SPOCK1: variants seen among roughly 807,000 people sequenced by gnomAD.
SPOCK1 encodes the protein testican-1.
A neutral mutation model predicts 55.3 loss-of-function variants in SPOCK1; 23 were observed. That is an observed-to-expected ratio of 0.42 (90% CI 0.30 to 0.59). The LOEUF (loss-of-function observed/expected upper bound fraction) is 0.59, where lower values mean the gene tolerates loss of function less well. SPOCK1 is among the 20% of genes least tolerant of loss of function. SPOCK1 has a pLI of 0.22. For missense variants in SPOCK1, 499 were observed against 552.5 expected, an observed-to-expected ratio of 0.90 and a Z score of 0.97; for synonymous variants, 226 against 221.0, an observed-to-expected ratio of 1.02 and a Z score of -0.20.
intron 2 of SPOCK1, among the ~76,000 whole-genome samples, chr5:137,287,429 C>G (rs1321694873): frequency 6.6e-6 from 1 of 152,188 alleles, no homozygotes; most frequent in East Asian, 1.9e-4. Context: ...GGCAAAGGGT[C>G]CTTAAGCACC....
chr5:137,175,455 G>C (rs1754836782), intron 3 of SPOCK1, among the ~76,000 whole-genome samples: 1 of 152,186 alleles, frequency 6.6e-6, no homozygotes, highest in Non-Finnish European at 1.5e-5. Flanking sequence ...CCAGGGAATG[G>C]TACAGTAGGA....
chr5:137,215,292 C>T (rs1281699276), intron 3 of SPOCK1, among the ~76,000 whole-genome samples: 1 of 152,212 alleles, frequency 6.6e-6, no homozygotes, highest in African/African-American at 2.4e-5. Context: ...TTCCAGGCAG[C>T]CTCACCCACT....
At chr5:137,025,080 G>C (rs1751647305) in intron 6 of SPOCK1, among the ~76,000 whole-genome samples, 1 of 152,178 alleles carries the variant, frequency 6.6e-6, no homozygotes, top group Non-Finnish European at 1.5e-5. Context: ...TCATCAAAGA[G>C]TGGAACAGCA....
chr5:137,231,981 T>C (rs753953147), intron 3 of SPOCK1, among the ~76,000 whole-genome samples: 3 of 152,244 alleles, frequency 2.0e-5, no homozygotes, highest in Admixed American at 1.3e-4. Flanking sequence ...TTCATGTTCT[T>C]ACATGCCATC....
intron 2 of SPOCK1, among the ~76,000 whole-genome samples, chr5:137,353,817 T>G (rs1365363921): frequency 6.6e-6 from 1 of 152,082 alleles, no homozygotes; most frequent in Admixed American, 6.5e-5. Flanking sequence ...CAATTTTCTG[T>G]CCCCAGTCTC....
intron 3 of SPOCK1, among the ~76,000 whole-genome samples, chr5:137,244,462 A>T (rs1214038373): frequency 6.6e-6 from 1 of 152,242 alleles, no homozygotes. Flanking sequence ...GCAACTAAAA[A>T]GAAACTGTAT....
At position 137,498,494 on chromosome 5, in the gene SPOCK1, C is replaced by T. The variant is rs777494132; in HGVS notation, c.65G>A (p.Arg22Gln). The T allele has an allele frequency of 6.3e-7, 1 of 1,588,826 alleles. No individual in the cohort carries two copies. Among genetic ancestry groups the T allele is most frequent in the African/African-American group, 1.3e-5 (1 of 74,520 alleles). Reference protein sequence around the residue: ...AAWCFLQVESRHLDALAGGAG... With the variant: ...AAWCFLQVESQHLDALAGGAG... The stretch of plus-strand genomic sequence containing the variant: ...GCCTCCGGCGAGCGCGTCCAGGTGC[C>T]GGCTCTCGACTTGGAGGAAGCACCA... The change falls in exon 2 of 11, where the codon CGG (arginine) becomes CAG (glutamine). Residue 22 changes from arginine to glutamine, a missense_variant. Physicochemically the swap from Arg to Gln is conservative, Grantham distance 43. Transcript: ENST00000394945.
intron 2 of SPOCK1, among the ~76,000 whole-genome samples, chr5:137,406,852 A>G (rs1356245923): frequency 6.6e-6 from 1 of 152,230 alleles, no homozygotes; most frequent in East Asian, 1.9e-4. Context: ...TAGGACTGTT[A>G]AGAGGACTCA....
chr5:137,021,863 A>G (rs1349208777), intron 6 of SPOCK1, among the ~76,000 whole-genome samples: 6 of 152,226 alleles, frequency 3.9e-5, no homozygotes, highest in Admixed American at 3.9e-4. Flanking sequence ...AAAAGAGATG[A>G]TATCAATAAT....
In SPOCK1 at chr5:137,404,739, T is replaced by C. The variant is rs532465230; in HGVS notation, c.186+93634A>G. ...GCCTAAAATAACATTTTAAATATCG[T>C]TGGTACAGGCCAAACAAACCACATC... On this transcript the variant is annotated intron_variant, in intron 2 of 10. Coordinates refer to ENST00000394945, the MANE Select transcript of SPOCK1 (RefSeq NM_004598.4). Among the ~76,000 whole-genome samples the C allele has an allele frequency of 3.3e-5, 5 of 152,156 alleles. No individual in the cohort carries two copies. In the East Asian group the frequency reaches 5.8e-4, roughly 18 times the overall value.
chr5:137,373,958 TAAGAA>T (rs147187062), intron 2 of SPOCK1, among the ~76,000 whole-genome samples: 4,534 of 152,270 alleles, frequency 0.03, 219 homozygotes, highest in African/African-American at 0.1. Context: ...ATACAACAGT[TAAGAA>T]AAGAAAAGAA....
Position 137,349,151 on chromosome 5 carries a change from A to G in SPOCK1, c.187-82096T>C, listed in dbSNP as rs141589213. 1.9e-4 allele frequency among the ~76,000 whole-genome samples: 29 copies of G among 152,316 alleles called. 1 individual carries two copies. The highest frequency in any genetic ancestry group is 8.5e-4 in the Admixed American group (13 of 15,298). Reference sequence around the variant, plus strand: ...CTTATTTACATACATGTGGCTCTCAATAGATGCCTTCCCCATGGCTGCAAG... The same window carrying G: ...CTTATTTACATACATGTGGCTCTCAGTAGATGCCTTCCCCATGGCTGCAAG... On this transcript the variant is annotated intron_variant, in intron 2 of 10. Transcript: ENST00000394945.
chr5:137,498,410 T>G lies in SPOCK1; in HGVS notation c.149A>C (p.Gln50Pro). The G allele has an allele frequency of 6.2e-7, 1 of 1,607,362 alleles. No homozygotes were observed. Among genetic ancestry groups the G allele is most frequent in the Non-Finnish European group, 8.5e-7 (1 of 1,176,964 alleles). Residue 50 changes from glutamine (Q) to proline (P), a missense_variant, in exon 2 of 11, where the codon CAG (glutamine) becomes CCG (proline). Gln to Pro is a moderately conservative substitution (Grantham distance 76). Around this residue, in one of 3 missense-constraint regions of SPOCK1, gnomAD observed 386 missense variants for 400.6 expected, o/e 0.96. Coordinates refer to ENST00000394945, the MANE Select transcript of SPOCK1 (RefSeq NM_004598.4). ...DNDQWLSTVS[Q>P]YDRDKYWNRF... ...GTTCCAGTACTTGTCCCGGTCGTAC[T>G]GGGAGACGGTGCTCAGCCACTGGTC...
chr5:137,228,938 T>C (rs1755999698), intron 3 of SPOCK1, among the ~76,000 whole-genome samples: 1 of 152,228 alleles, frequency 6.6e-6, no homozygotes, highest in South Asian at 2.1e-4. Context: ...TTCATGAATT[T>C]GTTAGAACTT....
At chr5:137,242,688 T>C (rs1756309179) in intron 3 of SPOCK1, among the ~76,000 whole-genome samples, 1 of 152,126 alleles carries the variant, frequency 6.6e-6, no homozygotes, top group Non-Finnish European at 1.5e-5. Flanking sequence ...TAGTGAGCTG[T>C]GATTTCGCCA....
chr5:137,268,705 T>C (rs751979576), intron 2 of SPOCK1, among the ~76,000 whole-genome samples: 1 of 144,952 alleles, frequency 6.9e-6, no homozygotes, highest in Non-Finnish European at 1.5e-5. Context: ...CAAGATGAAC[T>C]CATTCTCACA....
At chr5:137,382,464 G>A (rs1005295439) in intron 2 of SPOCK1, among the ~76,000 whole-genome samples, 1 of 152,186 alleles carries the variant, frequency 6.6e-6, no homozygotes, top group Non-Finnish European at 1.5e-5. Flanking sequence ...CTGATATAAA[G>A]AACTACCTGA....
intron 6 of SPOCK1, among the ~76,000 whole-genome samples, chr5:137,002,017 A>G (rs1751164191): frequency 1.3e-5 from 2 of 152,186 alleles, no homozygotes; most frequent in Non-Finnish European, 2.9e-5. Flanking sequence ...ACATCAATAT[A>G]TATGCGTGTT....
chr5:137,416,670 T>C (rs1752342648), intron 2 of SPOCK1, among the ~76,000 whole-genome samples: 1 of 152,078 alleles, frequency 6.6e-6, no homozygotes, highest in African/African-American at 2.4e-5. Context: ...TCAAAAATAA[T>C]ATTAATAAGA....
Sources: allele counts gnomAD v4.1 joint callset (sites outside exome capture counted in the v4.1 genomes callset), GRCh38; gene constraint gnomAD v4.1.1; regional missense constraint gnomAD v4.1.1; transcripts MANE v1.5; gene names NCBI Gene and HGNC (gene_info 2026-07-23, HGNC 2026-07-21).